Variants in BCAS3 observed in about 807,000 individuals in gnomAD.
BCAS3 encodes BCAS4/BCAS3 fusion.
In BCAS3, 53 loss-of-function variants were observed where a neutral mutation model predicts 116.1. The ratio of observed to expected loss-of-function variants is 0.46; its 90% CI spans 0.37 to 0.57. The LOEUF (loss-of-function observed/expected upper bound fraction) is 0.57, where lower values mean the gene tolerates loss of function less well. Among genes scored for constraint, BCAS3 ranks in the 20% least tolerant of loss-of-function variants. The pLI is 0.00. For missense variants in BCAS3, 917 were observed against 1,165.4 expected, an observed-to-expected ratio of 0.79 and a Z score of 3.10; for synonymous variants, 391 against 408.2, an observed-to-expected ratio of 0.96 and a Z score of 0.51.
rs2073172749 is a variant in BCAS3, at chr17:61,087,371, G to C, written c.2425+2807G>C. On this transcript the variant is annotated intron_variant, in intron 22 of 23. Coordinates refer to ENST00000407086, the MANE Select transcript of BCAS3 (RefSeq NM_017679.5). The surrounding 1 kb of genome is among the most constrained non-coding windows in gnomAD (Gnocchi z 4.6). The stretch of plus-strand genomic sequence containing the variant: ...CACCTAACCCTCTATTTTAGTGACA[G>C]CTCTTGCTCTGTCTAACCTTGTGGC... 1 of 233,842 alleles carries C rather than the reference G, an allele frequency of 4.3e-6. No homozygotes were observed. The highest frequency in any genetic ancestry group is 1.8e-4 in the East Asian group (1 of 5,496). 14.5% of individuals were successfully genotyped at this position (233,842 alleles called of 1,614,324 possible). A position where few individuals can be genotyped will look rare whatever the true frequency, so the allele number is the denominator to read the frequency against.
intron 22 of BCAS3, among the ~76,000 whole-genome samples, chr17:61,166,883 TTTG>T (rs576481251): frequency 1.3e-5 from 2 of 151,296 alleles, no homozygotes; most frequent in Non-Finnish European, 2.9e-5. Context: ...ACTGGCTAAT[TTTG>T]TTGTTGTTGT....
chr17:61,075,434 C>G (rs112013338), intron 20 of BCAS3, among the ~76,000 whole-genome samples: 6,262 of 152,172 alleles, frequency 0.041, 461 homozygotes, highest in African/African-American at 0.14. Flanking sequence ...CATGCCTCAG[C>G]TTCTTGAGTA....
chr17:61,386,137 C>A (rs192184878), intron 23 of BCAS3, among the ~76,000 whole-genome samples: 52 of 152,348 alleles, frequency 3.4e-4, no homozygotes, highest in Non-Finnish European at 6.3e-4. Context: ...TAGAACCAGG[C>A]CATGACACAG....
At chr17:60,835,430 A>G (rs991363491) in intron 7 of BCAS3, among the ~76,000 whole-genome samples, 3 of 152,034 alleles carry the variant, frequency 2.0e-5, no homozygotes, top group South Asian at 2.1e-4. Context: ...GTCTTCTTTT[A>G]CTTCTCTTCT....
intron 22 of BCAS3, among the ~76,000 whole-genome samples, chr17:61,335,600 T>C (rs1276582270): frequency 1.3e-5 from 2 of 152,120 alleles, no homozygotes; most frequent in Non-Finnish European, 2.9e-5. Context: ...CTCTGAGAAA[T>C]GCTCTTCTGG....
intron 22 of BCAS3, among the ~76,000 whole-genome samples, chr17:61,238,662 A>G (rs1217143095): frequency 1.3e-5 from 2 of 151,966 alleles, no homozygotes; most frequent in African/African-American, 2.4e-5. Context: ...TGAGCGACAC[A>G]TTTGCTACCA....
At chr17:61,329,004 C>T (rs1432719862) in intron 22 of BCAS3, among the ~76,000 whole-genome samples, 5 of 150,506 alleles carry the variant, frequency 3.3e-5, no homozygotes, top group Non-Finnish European at 7.4e-5. Flanking sequence ...AAGCAATTCT[C>T]CTGCCTCAGC....
intron 22 of BCAS3, among the ~76,000 whole-genome samples, chr17:61,174,354 T>C (rs917574): frequency 0.71 from 108,449 of 152,102 alleles, 39,766 homozygotes; most frequent in South Asian, 0.87. Flanking sequence ...CGTTCTACTA[T>C]TCTCTGCTTC....
intron 10 of BCAS3, among the ~76,000 whole-genome samples, chr17:60,899,115 G>T (rs1041049612): frequency 6.6e-6 from 1 of 152,134 alleles, no homozygotes; most frequent in African/African-American, 2.4e-5. Flanking sequence ...GGTGGGTGGG[G>T]ACAGGGTAAT....
chr17:60,986,117 C>T (rs1159672893), intron 14 of BCAS3, among the ~76,000 whole-genome samples: 1 of 152,210 alleles, frequency 6.6e-6, no homozygotes, highest in Non-Finnish European at 1.5e-5. Context: ...GCTTATTTCA[C>T]TTAACATAAT....
chr17:61,103,097 A>T (rs944875605), intron 22 of BCAS3, among the ~76,000 whole-genome samples: 4 of 152,172 alleles, frequency 2.6e-5, no homozygotes, highest in Non-Finnish European at 5.9e-5. Flanking sequence ...CCAATAACAG[A>T]TTATATTCTG....
At chr17:61,089,509 CTTTTTTTTTTTTTTTTTTTTTT>C (rs71370187) in intron 22 of BCAS3, among the ~76,000 whole-genome samples, 6 of 26,722 alleles carry the variant, frequency 2.2e-4, no homozygotes, top group South Asian at 1.7e-3. Context: ...GAGTTTCACT[CTTTTTTTTTTTTTTTTTTTTTT>C]TTTTTTTTTT....
chr17:61,252,824 G>C (rs1485631011), intron 22 of BCAS3, among the ~76,000 whole-genome samples: 1 of 151,594 alleles, frequency 6.6e-6, no homozygotes, highest in Non-Finnish European at 1.5e-5. Context: ...GGGCTAAGCT[G>C]CCCTTTCTTC....
intron 7 of BCAS3, among the ~76,000 whole-genome samples, chr17:60,852,678 A>G (rs967985369): frequency 1.3e-5 from 2 of 152,228 alleles, no homozygotes; most frequent in South Asian, 2.1e-4. Context: ...GAAGATACAC[A>G]TGGCAAATAA....
intron 7 of BCAS3, among the ~76,000 whole-genome samples, chr17:60,825,896 C>T (rs960276288): frequency 6.7e-6 from 1 of 148,682 alleles, no homozygotes; most frequent in Non-Finnish European, 1.5e-5. Context: ...CTCGCACCGT[C>T]ACCCAGGCTG....
At chr17:60,971,199 T>C (rs2061939362) in intron 14 of BCAS3, among the ~76,000 whole-genome samples, 2 of 152,224 alleles carry the variant, frequency 1.3e-5, no homozygotes, top group Admixed American at 1.3e-4. Context: ...ATCTGTAGTC[T>C]GCGAGTGTTT....
intron 22 of BCAS3, among the ~76,000 whole-genome samples, chr17:61,172,415 C>T (rs2078890426): frequency 2.0e-5 from 3 of 151,856 alleles, no homozygotes; most frequent in Non-Finnish European, 2.9e-5. Context: ...GGGCGGATCA[C>T]GAGGTCCAGA....
Position 61,217,225 on chromosome 17 carries a change from G to C in BCAS3, c.2425+132661G>C, listed in dbSNP as rs773928952. On this transcript the variant is annotated intron_variant, in intron 22 of 23. Coordinates refer to ENST00000407086, the MANE Select transcript of BCAS3 (RefSeq NM_017679.5). The surrounding 1 kb of genome is among the most constrained non-coding windows in gnomAD (Gnocchi z 5.2). The stretch of plus-strand genomic sequence containing the variant: ...TTGAACCCAGGAGGCGGAGGTTGCA[G>C]TGAGCTGAGATCGTGCCACTGCACT... Among the ~76,000 whole-genome samples, 1 of 152,190 alleles carries C rather than the reference G, an allele frequency of 6.6e-6. No homozygotes were observed. Among genetic ancestry groups the C allele is most frequent in the Non-Finnish European group, 1.5e-5 (1 of 68,036 alleles).
At chr17:60,722,420 T>G (rs895599466) in intron 5 of BCAS3, among the ~76,000 whole-genome samples, 1 of 152,204 alleles carries the variant, frequency 6.6e-6, no homozygotes, top group African/African-American at 2.4e-5. Context: ...TTTTTGATTT[T>G]GGCCATTCTG....
Sources: gnomAD v4.1 joint callset for allele counts (sites outside exome capture counted in the v4.1 genomes callset) on GRCh38, gnomAD v4.1.1 for gene constraint, Gnocchi (gnomAD v3.1) non-coding constraint, MANE v1.5 for transcripts, NCBI Gene and HGNC (gene_info 2026-07-23, HGNC 2026-07-21) for gene names.